Variants in MCF2L2 observed in about 807,000 individuals in gnomAD.
MCF2L2 encodes the protein probable guanine nucleotide exchange factor MCF2L2.
In MCF2L2, 102 loss-of-function variants were observed where a neutral mutation model predicts 150.2. The ratio of observed to expected loss-of-function variants is 0.68; its 90% CI spans 0.58 to 0.80. MCF2L2 has a LOEUF of 0.80. MCF2L2 is among the 30% of genes least tolerant of loss of function. The pLI is 0.00. For synonymous variants in MCF2L2, 465 were observed against 491.3 expected, an observed-to-expected ratio of 0.95 and a Z score of 0.71; for missense variants, 1,256 against 1,372.8, an observed-to-expected ratio of 0.91 and a Z score of 1.34.
intron 1 of MCF2L2, among the ~76,000 whole-genome samples, chr3:183,391,203 C>T (rs899209668): frequency 3.3e-5 from 5 of 151,440 alleles, no homozygotes; most frequent in Non-Finnish European, 5.9e-5. Flanking sequence ...TGAGCAAATG[C>T]TAGTTATATC....
chr3:183,232,110 A>G (rs1005817310), intron 15 of MCF2L2, among the ~76,000 whole-genome samples: 2 of 152,220 alleles, frequency 1.3e-5, no homozygotes, highest in Admixed American at 1.3e-4. Flanking sequence ...AAGCATAAAA[A>G]AGATTCAACA....
At chr3:183,400,078 A>C (rs1168334072) in intron 1 of MCF2L2, among the ~76,000 whole-genome samples, 1 of 152,210 alleles carries the variant, frequency 6.6e-6, no homozygotes, top group Non-Finnish European at 1.5e-5. Flanking sequence ...TCATACTTAC[A>C]CGTTCCATAT....
chr3:183,279,246 TA>T (rs1727342972), intron 14 of MCF2L2, among the ~76,000 whole-genome samples: 2 of 151,694 alleles, frequency 1.3e-5, no homozygotes, highest in South Asian at 4.1e-4. Context: ...CTTAATTTTT[TA>T]TTTCTTTTTT....
intron 21 of MCF2L2, among the ~76,000 whole-genome samples, chr3:183,218,476 A>C (rs1305280307): frequency 6.6e-6 from 1 of 151,926 alleles, no homozygotes; most frequent in Non-Finnish European, 1.5e-5. Context: ...ATCTCTACTA[A>C]AAACAAAAAT....
chr3:183,380,561 C>T (rs556030761), intron 2 of MCF2L2, among the ~76,000 whole-genome samples: 51 of 152,190 alleles, frequency 3.4e-4, no homozygotes, highest in African/African-American at 1.2e-3. Context: ...ACCACCATAC[C>T]CAGCTAATTT....
At chr3:183,220,067 A>C in intron 20 of MCF2L2, 143 bp from the exon 21 acceptor site, 1 of 639,870 alleles carries the variant, frequency 1.6e-6, no homozygotes, top group South Asian at 1.9e-5. Flanking sequence ...AGAGGGAAAG[A>C]ATAAATGATG....
At chr3:183,282,369 G>A (rs550959499) in intron 14 of MCF2L2, among the ~76,000 whole-genome samples, 5 of 151,954 alleles carry the variant, frequency 3.3e-5, no homozygotes, top group South Asian at 4.2e-4. Flanking sequence ...TAGTAGAGAC[G>A]GGGTTTCACC....
chr3:183,295,274 A>G, intron 13 of MCF2L2, 26 bp downstream of exon 13: 1 of 1,581,256 alleles, frequency 6.3e-7, no homozygotes, highest in Non-Finnish European at 8.6e-7. Flanking sequence ...AAAAGCCACA[A>G]AGCTTCTTTT....
At chr3:183,274,069 GC>G (rs982799660) in intron 15 of MCF2L2, among the ~76,000 whole-genome samples, 7 of 152,128 alleles carry the variant, frequency 4.6e-5, no homozygotes, top group African/African-American at 1.7e-4. Context: ...ACAAAAATCA[GC>G]CAGGTGTGGT....
chr3:183,230,102 A>G (rs1723493578), intron 16 of MCF2L2, among the ~76,000 whole-genome samples: 1 of 152,176 alleles, frequency 6.6e-6, no homozygotes, highest in African/African-American at 2.4e-5. Flanking sequence ...TAATACAATT[A>G]CTATTATTAT....
At chr3:183,360,062 T>C (rs1712033996) in intron 3 of MCF2L2, among the ~76,000 whole-genome samples, 1 of 152,148 alleles carries the variant, frequency 6.6e-6, no homozygotes, top group East Asian at 1.9e-4. Context: ...GTGATAATAG[T>C]GATGGTAAAG....
chr3:183,388,864 C>CT lies in MCF2L2; in HGVS notation c.160+831dup, dbSNP rs60466422. 1.1e-3 allele frequency among the ~76,000 whole-genome samples: 160 copies of CT among 151,430 alleles called. 2 individuals are homozygous for CT. The highest frequency in any genetic ancestry group is 0.01 in the Middle Eastern group (3 of 292). On this transcript the variant is annotated intron_variant, in intron 2 of 29. Transcript: ENST00000328913. ...ATTTGGAGAAAAGAAAGAGATGTGA[C>CT]TTTTTTTTTAATATCCCATGTTGTA...
intron 3 of MCF2L2, chr3:183,376,824 T>C (rs1713215155): frequency 6.6e-6 from 1 of 152,194 alleles, no homozygotes; most frequent in African/African-American, 2.4e-5. Flanking sequence ...GACTAAATTA[T>C]GTGGGGAAGC....
chr3:183,266,703 C>T (rs1207740443), intron 15 of MCF2L2, among the ~76,000 whole-genome samples: 1 of 152,164 alleles, frequency 6.6e-6, no homozygotes, highest in Admixed American at 6.5e-5. Context: ...TCTCACCTTC[C>T]TCTAGAGCAT....
At chr3:183,195,595 C>T (rs1053592979) in intron 25 of MCF2L2, among the ~76,000 whole-genome samples, 4 of 151,910 alleles carry the variant, frequency 2.6e-5, no homozygotes, top group African/African-American at 9.7e-5. Flanking sequence ...CATGTGAGCC[C>T]AAATTATGTG....
At chr3:183,246,906 GTTTTTGT>G (rs1305308461) in intron 15 of MCF2L2, among the ~76,000 whole-genome samples, 4 of 152,186 alleles carry the variant, frequency 2.6e-5, no homozygotes, top group Admixed American at 6.5e-5. Flanking sequence ...AAGTAAGGTT[GTTTTTGT>G]TTTTTGTTTT....
intron 15 of MCF2L2, among the ~76,000 whole-genome samples, chr3:183,262,904 T>A (rs1725753593): frequency 6.6e-6 from 1 of 151,864 alleles, no homozygotes; most frequent in Admixed American, 6.6e-5. Context: ...CCTGGAGGTG[T>A]CATAGGAACA....
At chr3:183,397,279 G>C (rs900190474) in intron 1 of MCF2L2, among the ~76,000 whole-genome samples, 8 of 152,226 alleles carry the variant, frequency 5.3e-5, no homozygotes, top group African/African-American at 1.9e-4. Flanking sequence ...GCACCAGCAG[G>C]TTCCGTGTCT....
At chr3:183,207,074 C>G (rs9827084) in intron 23 of MCF2L2, among the ~76,000 whole-genome samples, 139,246 of 151,940 alleles carry the variant, frequency 0.92, 63,899 homozygotes, top group East Asian at 1. Flanking sequence ...TTAATCACAA[C>G]AGCATAAATA....
Sources: allele counts gnomAD v4.1 joint callset (sites outside exome capture counted in the v4.1 genomes callset), GRCh38; gene constraint gnomAD v4.1.1; transcripts MANE v1.5; gene names NCBI Gene and HGNC (gene_info 2026-07-23, HGNC 2026-07-21).